SAMMSON: variants seen among roughly 807,000 people sequenced by gnomAD.
SAMMSON encodes the protein survival associated mitochondrial melanoma specific oncogenic non-coding RNA, also known as long intergenic non-protein coding RNA 1212.
At chr3:70,179,833 A>G (rs2106704653) in intron 4 of SAMMSON, among the ~76,000 whole-genome samples, 1 of 152,102 alleles carries the variant, frequency 6.6e-6, no homozygotes, top group Admixed American at 6.5e-5. Flanking sequence ...CTTATGTCCA[A>G]AGGACATTAA....
At chr3:70,023,184 C>T (rs978844646) in intron 3 of SAMMSON, among the ~76,000 whole-genome samples, 23 of 152,064 alleles carry the variant, frequency 1.5e-4, no homozygotes, top group African/African-American at 4.6e-4. Context: ...AGGCCAGGCA[C>T]GGTGGCTCAC....
At chr3:70,416,077 A>G (rs1209580807) in intron 2 of SAMMSON, among the ~76,000 whole-genome samples, 2 of 152,204 alleles carry the variant, frequency 1.3e-5, no homozygotes, top group East Asian at 1.9e-4. Flanking sequence ...TAATGGGCAT[A>G]TAAGTATTTG....
chr3:70,148,111 T>C (rs1327793169), intron 4 of SAMMSON, among the ~76,000 whole-genome samples: 2 of 152,102 alleles, frequency 1.3e-5, no homozygotes, highest in South Asian at 2.1e-4. Context: ...GGAAAGGCTA[T>C]AATTAAATAC....
chr3:70,222,446 T>C (rs956928747), intron 4 of SAMMSON, among the ~76,000 whole-genome samples: 2 of 152,194 alleles, frequency 1.3e-5, no homozygotes, highest in Non-Finnish European at 2.9e-5. Flanking sequence ...TATGGATTTG[T>C]TTGTGTCTAT....
At chr3:70,325,920 G>A (rs530888688) in intron 7 of SAMMSON, among the ~76,000 whole-genome samples, 5 of 152,052 alleles carry the variant, frequency 3.3e-5, no homozygotes, top group Non-Finnish European at 5.9e-5. Flanking sequence ...CCTTTTCTCG[G>A]ATGAACTGTG....
intron 6 of SAMMSON, among the ~76,000 whole-genome samples, chr3:70,267,454 G>A (rs1701926987): frequency 7.7e-6 from 1 of 130,418 alleles, no homozygotes; most frequent in African/African-American, 2.9e-5. Flanking sequence ...CCAGGCTGGT[G>A]TGCAGTGGCG....
intron 1 of SAMMSON, among the ~76,000 whole-genome samples, chr3:70,005,455 G>A (rs1411032922): frequency 6.6e-6 from 1 of 152,038 alleles, no homozygotes; most frequent in East Asian, 1.9e-4. Context: ...TCTCCATGTG[G>A]TGTTTCATCA....
chr3:70,124,124 C>G (rs754047326), intron 4 of SAMMSON, among the ~76,000 whole-genome samples: 3 of 152,194 alleles, frequency 2.0e-5, no homozygotes, highest in Non-Finnish European at 4.4e-5. Context: ...GAATCGGTCA[C>G]TGTGATTATT....
intron 4 of SAMMSON, among the ~76,000 whole-genome samples, chr3:70,162,399 G>A (rs1188195381): frequency 6.6e-6 from 1 of 151,626 alleles, no homozygotes; most frequent in African/African-American, 2.4e-5. Context: ...TAACCCTTGG[G>A]TTATTAAGAA....
chr3:70,336,227 C>T (rs576465817), intron 7 of SAMMSON, among the ~76,000 whole-genome samples: 7 of 152,078 alleles, frequency 4.6e-5, no homozygotes, highest in African/African-American at 1.7e-4. Flanking sequence ...CTTTGACTCT[C>T]TAAGAACTAC....
intron 6 of SAMMSON, among the ~76,000 whole-genome samples, chr3:70,253,468 A>G (rs1489670444): frequency 2.6e-5 from 4 of 152,186 alleles, no homozygotes; most frequent in Non-Finnish European, 4.4e-5. Flanking sequence ...AAAATGTTTC[A>G]TCCAGCTGGG....
chr3:70,282,965 G>T (rs1702104018), intron 6 of SAMMSON, among the ~76,000 whole-genome samples: 1 of 152,136 alleles, frequency 6.6e-6, no homozygotes, highest in African/African-American at 2.4e-5. Flanking sequence ...TGTCCAGGCA[G>T]GCCTGTCACT....
chr3:70,216,454 C>T (rs1051635467), intron 4 of SAMMSON, among the ~76,000 whole-genome samples: 1 of 151,910 alleles, frequency 6.6e-6, no homozygotes, highest in African/African-American at 2.4e-5. Context: ...CCATTTTTCA[C>T]ATGAGGACAC....
chr3:70,347,874 C>T (rs1249753909), intron 7 of SAMMSON, among the ~76,000 whole-genome samples: 1 of 152,186 alleles, frequency 6.6e-6, no homozygotes, highest in Non-Finnish European at 1.5e-5. Flanking sequence ...AAAGCCCCAT[C>T]TCTACCCAAA....
chr3:70,317,459 G>C (rs1702503091), intron 7 of SAMMSON, among the ~76,000 whole-genome samples: 1 of 151,622 alleles, frequency 6.6e-6, no homozygotes, highest in Non-Finnish European at 1.5e-5. Context: ...CTACAATATA[G>C]AGTAAACATA....
At chr3:70,235,442 C>T (rs987478560) in intron 4 of SAMMSON, among the ~76,000 whole-genome samples, 6 of 152,190 alleles carry the variant, frequency 3.9e-5, no homozygotes, top group African/African-American at 1.2e-4. Flanking sequence ...CCTTTCAAAG[C>T]TCATGTGATA....
intron 4 of SAMMSON, chr3:70,125,554 A>G (rs2067454474): frequency 1.4e-6 from 1 of 696,138 alleles, no homozygotes. Flanking sequence ...TGGATGCATC[A>G]GCTTCAGTAA....
At chr3:70,321,182 A>C (rs2106716999) in intron 7 of SAMMSON, among the ~76,000 whole-genome samples, 1 of 152,214 alleles carries the variant, frequency 6.6e-6, no homozygotes, top group Admixed American at 6.5e-5. Flanking sequence ...CATTCACAAA[A>C]TGATCACTAT....
At chr3:70,128,400 T>C (rs936124048) in intron 4 of SAMMSON, among the ~76,000 whole-genome samples, 4 of 152,220 alleles carry the variant, frequency 2.6e-5, no homozygotes, top group Non-Finnish European at 4.4e-5. Context: ...GTTAAATATA[T>C]ACTTCACAGA....
Sources: allele counts gnomAD v4.1 joint callset (sites outside exome capture counted in the v4.1 genomes callset), GRCh38; gene constraint gnomAD v4.1.1; transcripts MANE v1.5; gene names NCBI Gene and HGNC (gene_info 2026-07-23, HGNC 2026-07-21).